ADCY9: variants seen among roughly 807,000 people sequenced by gnomAD.
ADCY9 encodes adenylate cyclase 9, also known as adenylate cyclase type 9.
ADCY9 carries 50 observed loss-of-function variants against 101.5 expected under a neutral mutation model. That is an observed-to-expected ratio of 0.49 (90% CI 0.39 to 0.62). ADCY9 has a LOEUF of 0.62. ADCY9 is among the 20% of genes least tolerant of loss of function. The pLI, the probability that ADCY9 is intolerant of heterozygous loss-of-function variation, is 0.00. For missense variants in ADCY9, 1,662 were observed against 1,800.4 expected (o/e 0.92, Z 1.39); for synonymous variants, 905 against 769.3 (o/e 1.18, Z -2.92).
intron 3 of ADCY9, among the ~76,000 whole-genome samples, chr16:3,997,703 G>A (rs148203524): frequency 1.9e-4 from 29 of 152,304 alleles, no homozygotes; most frequent in Admixed American, 1.8e-3. Flanking sequence ...GGAGGTGGGG[G>A]GAGAGCCAGG....
At chr16:4,057,214 C>T (rs1001294394) in intron 2 of ADCY9, among the ~76,000 whole-genome samples, 1 of 152,110 alleles carries the variant, frequency 6.6e-6, no homozygotes, top group East Asian at 1.9e-4. Flanking sequence ...AATCTCGGCT[C>T]ACTGCAGCCT....
intron 2 of ADCY9, among the ~76,000 whole-genome samples, chr16:4,081,500 A>G (rs1011383578): frequency 6.6e-6 from 1 of 152,266 alleles, no homozygotes; most frequent in African/African-American, 2.4e-5. Context: ...GTGATATCTA[A>G]GACTCTTAAC....
chr16:3,958,782 G>A (rs967331295), downstream of ADCY9, among the ~76,000 whole-genome samples: 1 of 144,492 alleles, frequency 6.9e-6, no homozygotes, highest in Non-Finnish European at 1.5e-5. Flanking sequence ...AGCGATTCTC[G>A]TGCCTTAGCC....
At chr16:4,045,727 C>T (rs1264403272) in intron 2 of ADCY9, among the ~76,000 whole-genome samples, 1 of 151,316 alleles carries the variant, frequency 6.6e-6, no homozygotes, top group Non-Finnish European at 1.5e-5. Context: ...GAGATAGGGT[C>T]TCACTCTGTT....
At position 3,963,526 on chromosome 16, in the gene ADCY9, T is replaced by C. The variant is rs2055959176; in HGVS notation, c.*2249A>G. On this transcript the variant is annotated 3_prime_UTR_variant, in exon 11 of 11. Coordinates refer to ENST00000294016, the MANE Select transcript of ADCY9 (RefSeq NM_001116.4). ...TTGAAAGACAACGTTAAGCTCTGGG[T>C]GAGTCTGCACGGGGCTGAACCAGAC... The C allele has an allele frequency of 2.6e-6, 1 of 386,406 alleles. No individual in the cohort carries two copies. Among genetic ancestry groups the C allele is most frequent in the Non-Finnish European group, 4.6e-6 (1 of 218,626 alleles). The allele number at this position is 386,406 out of a possible 1,614,324, so 23.9% of individuals were successfully genotyped here. A position where few individuals can be genotyped will look rare whatever the true frequency, so the allele number is the denominator to read the frequency against.
intron 2 of ADCY9, among the ~76,000 whole-genome samples, chr16:4,090,849 T>TA (rs996184275): frequency 6.6e-6 from 1 of 151,942 alleles, no homozygotes; most frequent in African/African-American, 2.4e-5. Context: ...TGCATTCATA[T>TA]AAAAAGAGTC....
In ADCY9 at chr16:4,115,186, G is replaced by A. The variant is rs374090597; in HGVS notation, c.257C>T (p.Ala86Val). The A allele has an allele frequency of 1.9e-6, 3 of 1,613,636 alleles. No individual in the cohort carries two copies. The African/African-American group carries it at 4.0e-5, about 22-fold the overall frequency. The change falls in exon 2 of 11, where the codon GCC becomes GTC. Residue 86 changes from alanine (A) to valine (V), a missense_variant. Ala to Val is a moderately conservative substitution (Grantham distance 64). Transcript: ENST00000294016. The surrounding 1 kb of genome is among the most constrained non-coding windows in gnomAD (Gnocchi z 6.2). ...QKKLPQLFER[A>V]SSRWWDPKFD... Reference sequence around the variant, plus strand: ...CTTGGGGTCCCACCAGCGGCTGGAGGCCCTCTCGAACAGCTGGGGCAGCTT... The same window carrying A: ...CTTGGGGTCCCACCAGCGGCTGGAGACCCTCTCGAACAGCTGGGGCAGCTT...
rs1460804728 is a variant in ADCY9, at chr16:3,963,047, T to C, written c.*2728A>G. Reference sequence around the variant, plus strand: ...TCAAGCTATTCGAGGGTTTTGTAACTGATGCTCTACATTTGTTTGCATTGG... The same window carrying C: ...TCAAGCTATTCGAGGGTTTTGTAACCGATGCTCTACATTTGTTTGCATTGG... On this transcript the variant is annotated 3_prime_UTR_variant, in exon 11 of 11. Coordinates refer to ENST00000294016, the MANE Select transcript of ADCY9 (RefSeq NM_001116.4). 3 of 158,452 alleles carry C rather than the reference T, an allele frequency of 1.9e-5. No individual in the cohort carries two copies. Among genetic ancestry groups the C allele is most frequent in the East Asian group, 1.8e-4 (1 of 5,450 alleles). 9.8% of individuals were successfully genotyped at this position (158,452 alleles called of 1,614,324 possible).
chr16:4,078,170 G>A lies in ADCY9; in HGVS notation c.1693+35580C>T, dbSNP rs559399389. Among the ~76,000 whole-genome samples, 28 of 152,166 alleles carry A rather than the reference G, an allele frequency of 1.8e-4. 1 individual carries two copies. The East Asian group carries it at 3.5e-3, about 19-fold the overall frequency. On this transcript the variant is annotated intron_variant, in intron 2 of 10. Transcript: ENST00000294016. ...GAAACAAATAAAAATATACATCCAC[G>A]GAAGACTTGTGAATGTTCACAGCAA...
intron 2 of ADCY9, among the ~76,000 whole-genome samples, chr16:4,030,527 C>T (rs950600712): frequency 6.6e-6 from 1 of 151,952 alleles, no homozygotes; most frequent in African/African-American, 2.4e-5. Context: ...CATGGTGAAA[C>T]CCCGTCTCTA....
At chr16:4,075,677 C>T (rs1035815034) in intron 2 of ADCY9, among the ~76,000 whole-genome samples, 1 of 152,104 alleles carries the variant, frequency 6.6e-6, no homozygotes, top group African/African-American at 2.4e-5. Flanking sequence ...AGGGGAGACA[C>T]AACTCCAAAG....
rs1321798408 is a variant in ADCY9, at chr16:3,969,609, T to TATAC, written c.2871-2644_2871-2643insGTAT. Among the ~76,000 whole-genome samples, 34 of 94,886 alleles carry TATAC rather than the reference T, an allele frequency of 3.6e-4. 1 individual carries two copies. Among genetic ancestry groups the TATAC allele is most frequent in the African/African-American group, 1.4e-3 (27 of 18,652 alleles). 62.2% of individuals were successfully genotyped at this position (94,886 alleles called of 152,430 possible). On this transcript the variant is annotated intron_variant, in intron 10 of 10. Coordinates refer to ENST00000294016, the MANE Select transcript of ADCY9 (RefSeq NM_001116.4). ...ATATATATATATATATATATATATATGTATTTTTTTTTTTTTTTAAGAAGA... is the reference window on the plus strand; with the variant it reads ...ATATATATATATATATATATATATATATACGTATTTTTTTTTTTTTTTAAGAAGA...
chr16:4,039,636 A>ATG (rs1429090466), intron 2 of ADCY9, among the ~76,000 whole-genome samples: 1 of 144,400 alleles, frequency 6.9e-6, no homozygotes, highest in Admixed American at 7.3e-5. Flanking sequence ...CCGAGATCGC[A>ATG]CCATTTCATT....
At position 4,115,691 on chromosome 16, in the gene ADCY9, T is replaced by G; in HGVS notation, c.-45A>C. On this transcript the variant is annotated splice_region_variant and 5_prime_UTR_variant, in exon 1 of 11. Transcript: ENST00000294016. This position sits in a 1 kb window ranked among gnomAD's most constrained non-coding sequence, Gnocchi z 6.2. ...GCACGAGAACCGCTCGGGACGGACC[T>G]AGAACGCCCGGGGGTCCCCGCCGCG... 2.4e-6 allele frequency: 1 copy of G among 424,048 alleles called. No individual in the cohort carries two copies. The highest frequency in any genetic ancestry group is 4.1e-6 in the Non-Finnish European group (1 of 243,450). 26.3% of individuals were successfully genotyped at this position (424,048 alleles called of 1,614,324 possible).
At position 3,963,744 on chromosome 16, in the gene ADCY9, G is replaced by A. The variant is rs145004028; in HGVS notation, c.*2031C>T. ...ACAGCCTGGAGGGGAAAGGGGAGGG[G>A]AGGACATTCAAATATACACCTTAAT... On this transcript the variant is annotated 3_prime_UTR_variant, in exon 11 of 11. Coordinates refer to ENST00000294016, the MANE Select transcript of ADCY9 (RefSeq NM_001116.4). The A allele has an allele frequency of 4.1e-5, 8 of 195,164 alleles. No individual in the cohort carries two copies. The highest frequency in any genetic ancestry group is 3.8e-4 in the South Asian group (2 of 5,216). 12.1% of individuals were successfully genotyped at this position (195,164 alleles called of 1,614,324 possible).
At position 4,065,347 on chromosome 16, in the gene ADCY9, C is replaced by T. The variant is rs182479579; in HGVS notation, c.1693+48403G>A. ...ACGCTGGCCGAAAGGGAAAGTAAGC[C>T]CTGTTTTCGTTTCCTTTCAAATACT... On this transcript the variant is annotated intron_variant, in intron 2 of 10. Coordinates refer to ENST00000294016, the MANE Select transcript of ADCY9 (RefSeq NM_001116.4). 1.9e-3 allele frequency among the ~76,000 whole-genome samples: 288 copies of T among 152,270 alleles called. 3 individuals carry two copies. Among genetic ancestry groups the T allele is most frequent in the African/African-American group, 6.6e-3 (276 of 41,550 alleles).
chr16:4,007,628 C>A, intron 2 of ADCY9, 70 bp from the exon 3 acceptor site: 1 of 1,371,284 alleles, frequency 7.3e-7, no homozygotes. Context: ...CTCCGTCTTG[C>A]TCTCTGGAGA....
chr16:4,067,233 G>A (rs770824130), intron 2 of ADCY9, among the ~76,000 whole-genome samples: 54 of 152,102 alleles, frequency 3.6e-4, no homozygotes, highest in Non-Finnish European at 5.0e-4. Flanking sequence ...ATAATATTTA[G>A]AAACAACACC....
At position 4,115,486 on chromosome 16, in the gene ADCY9, C is replaced by T; in HGVS notation, c.-43-1G>A. 6.8e-7 allele frequency: 1 copy of T among 1,478,952 alleles called. No homozygotes were observed. The highest frequency in any genetic ancestry group is 1.4e-5 in the African/African-American group (1 of 71,030). The allele number at this position is 1,478,952 out of a possible 1,614,324, so 91.6% of individuals were successfully genotyped here. The stretch of plus-strand genomic sequence containing the variant: ...CTGCCCCGGCCGGGGTCACCAGTAC[C>T]TGCCAGCAAAACGGGGAGAGTTAGC... On this transcript the variant is annotated splice_acceptor_variant, in intron 1 of 10. Transcript: ENST00000294016. LOFTEE classifies it low-confidence loss of function (5UTR_SPLICE). The surrounding 1 kb of genome is among the most constrained non-coding windows in gnomAD (Gnocchi z 6.2).
Sources: allele counts gnomAD v4.1 joint callset (sites outside exome capture counted in the v4.1 genomes callset), GRCh38; gene constraint gnomAD v4.1.1; non-coding constraint Gnocchi (gnomAD v3.1); transcripts MANE v1.5; gene names NCBI Gene and HGNC (gene_info 2026-07-23, HGNC 2026-07-21).